SCAMP1: variants seen among roughly 807,000 people sequenced by gnomAD.
SCAMP1 encodes the protein secretory carrier membrane protein 1, also known as secretory carrier-associated membrane protein 1.
SCAMP1 carries 15 observed loss-of-function variants against 41.8 expected under a neutral mutation model. The observed-to-expected ratio is 0.36, with a 90% CI of 0.24 to 0.55. SCAMP1 has a LOEUF of 0.55. Ranked by LOEUF, SCAMP1 falls within the 20% of genes least tolerant of loss-of-function variation. The pLI, the probability that SCAMP1 is intolerant of heterozygous loss-of-function variation, is 0.86. For missense variants in SCAMP1, 341 were observed against 412.6 expected, an observed-to-expected ratio of 0.83 and a Z score of 1.50; for synonymous variants, 135 against 136.8, an observed-to-expected ratio of 0.99 and a Z score of 0.09.
chr5:78,368,705 C>T (rs564478001), intron 1 of SCAMP1, among the ~76,000 whole-genome samples: 1 of 152,210 alleles, frequency 6.6e-6, no homozygotes, highest in African/African-American at 2.4e-5. Flanking sequence ...GGACTGGAAT[C>T]AAGTTCTAGG....
chr5:78,402,144 T>C (rs1054110756), intron 2 of SCAMP1, among the ~76,000 whole-genome samples: 8 of 152,116 alleles, frequency 5.3e-5, no homozygotes, highest in African/African-American at 1.7e-4. Context: ...AGTTTTCTTC[T>C]TGTTATTGAT....
chr5:78,428,828 CTGT>C (rs1269341672), intron 6 of SCAMP1, among the ~76,000 whole-genome samples: 1 of 151,980 alleles, frequency 6.6e-6, no homozygotes, highest in Non-Finnish European at 1.5e-5. Context: ...TCTTATACTT[CTGT>C]TGTTAAATTT....
At chr5:78,458,569 A>C (rs1334734207) in intron 7 of SCAMP1, among the ~76,000 whole-genome samples, 1 of 152,210 alleles carries the variant, frequency 6.6e-6, no homozygotes, top group African/African-American at 2.4e-5. Context: ...AATTCAGCAG[A>C]ATTGAAAATA....
intron 8 of SCAMP1, among the ~76,000 whole-genome samples, chr5:78,462,405 C>T (rs979039928): frequency 3.3e-5 from 5 of 152,168 alleles, no homozygotes; most frequent in Admixed American, 1.3e-4. Flanking sequence ...TCTTGGCTCA[C>T]GGCAGCCTCT....
intron 2 of SCAMP1, among the ~76,000 whole-genome samples, chr5:78,409,823 A>G (rs1007824514): frequency 1.3e-5 from 2 of 152,208 alleles, no homozygotes; most frequent in African/African-American, 2.4e-5. Flanking sequence ...TTAAAGTAAT[A>G]CAGCATTTAT....
At position 78,480,657 on chromosome 5, in the gene SCAMP1, A is replaced by G. The variant is rs1013635857; in HGVS notation, c.*4989A>G. ...CCTCACACTTTTTTTCTAGTATAAA[A>G]GCAATACATAATGTGTTGTAGAACA... is the stretch of plus-strand genomic sequence containing the variant. On this transcript the variant is annotated 3_prime_UTR_variant, in exon 9 of 9. Coordinates refer to ENST00000621999, the MANE Select transcript of SCAMP1 (RefSeq NM_004866.6). 2.0e-4 allele frequency among the ~76,000 whole-genome samples: 31 copies of G among 152,334 alleles called. No homozygotes were observed. Among genetic ancestry groups the G allele is most frequent in the African/African-American group, 7.5e-4 (31 of 41,588 alleles).
At chr5:78,475,473 T>TA (rs916889340) in intron 8 of SCAMP1, 31 bp from the exon 9 acceptor site, 7 of 1,521,396 alleles carry the variant, frequency 4.6e-6, no homozygotes, top group Non-Finnish European at 6.2e-6. Flanking sequence ...GGTTGCTACT[T>TA]ACCTTCTCCC....
intron 6 of SCAMP1, among the ~76,000 whole-genome samples, chr5:78,422,613 A>G (rs920149596): frequency 3.3e-5 from 5 of 152,140 alleles, no homozygotes; most frequent in African/African-American, 1.2e-4. Flanking sequence ...GAACAGCTGG[A>G]TAATAAGGTT....
intron 2 of SCAMP1, among the ~76,000 whole-genome samples, chr5:78,394,616 A>G (rs982606934): frequency 2.6e-5 from 4 of 152,208 alleles, no homozygotes; most frequent in Non-Finnish European, 4.4e-5. Context: ...TAGTTTACTC[A>G]TCTTTAATAC....
At chr5:78,401,324 G>A (rs539782695) in intron 2 of SCAMP1, among the ~76,000 whole-genome samples, 2 of 152,178 alleles carry the variant, frequency 1.3e-5, no homozygotes, top group South Asian at 4.1e-4. Context: ...GGTTTGATAT[G>A]AGGGTATTTC....
chr5:78,447,234 AT>A (rs1378989109), intron 6 of SCAMP1, among the ~76,000 whole-genome samples: 1 of 152,254 alleles, frequency 6.6e-6, no homozygotes, highest in Non-Finnish European at 1.5e-5. Flanking sequence ...CACTGCTTTA[AT>A]GTATTCATGT....
chr5:78,371,078 G>A (rs998810001), intron 1 of SCAMP1, among the ~76,000 whole-genome samples: 3 of 152,038 alleles, frequency 2.0e-5, no homozygotes, highest in Non-Finnish European at 2.9e-5. Context: ...ACCTTTATCA[G>A]GTATGTGATT....
At chr5:78,387,354 T>G (rs1751367947) in intron 1 of SCAMP1, among the ~76,000 whole-genome samples, 1 of 132,998 alleles carries the variant, frequency 7.5e-6, no homozygotes, top group Non-Finnish European at 1.6e-5. Context: ...TCCATTCATA[T>G]CCTGTATCTT....
chr5:78,398,390 G>A lies in SCAMP1; in HGVS notation c.135+9476G>A, dbSNP rs558377730. ...TTTTTTTTTTTTTTTTTTGAGACAG[G>A]GTCTCACTTTGTTGCCCAGGCTTCA... On this transcript the variant is annotated intron_variant, in intron 2 of 8. Coordinates refer to ENST00000621999, the MANE Select transcript of SCAMP1 (RefSeq NM_004866.6). Among the ~76,000 whole-genome samples the A allele has an allele frequency of 4.2e-4, 43 of 102,596 alleles. No individual in the cohort carries two copies. In the East Asian group the frequency reaches 8.6e-3, roughly 21 times the overall value. 67.3% of individuals were successfully genotyped at this position (102,596 alleles called of 152,430 possible).
intron 1 of SCAMP1, among the ~76,000 whole-genome samples, chr5:78,372,084 CTG>C (rs1228690454): frequency 6.6e-6 from 1 of 152,184 alleles, no homozygotes; most frequent in East Asian, 1.9e-4. Context: ...TAGAAGCATT[CTG>C]TACGTAACAA....
chr5:78,458,250 T>TGA, intron 7 of SCAMP1, among the ~76,000 whole-genome samples: 1 of 152,322 alleles, frequency 6.6e-6, no homozygotes, highest in South Asian at 2.1e-4. Context: ...AACTGTTCTC[T>TGA]AGAATGCTTG....
rs191658439 is a variant in SCAMP1 at position 78,448,767 on chromosome 5, G to A, written c.633-1166G>A. 8.6e-3 allele frequency among the ~76,000 whole-genome samples: 1,307 copies of A among 152,238 alleles called. 8 individuals carry two copies. The highest frequency in any genetic ancestry group is 0.013 in the Non-Finnish European group (910 of 67,996). On this transcript the variant is annotated intron_variant, in intron 6 of 8. Transcript: ENST00000621999. ...TGTAATCCCAGCACTTTGGGAGGCC[G>A]AGGCGGGCAGATCACCTGAGGTTGG...
chr5:78,460,566 A>C lies in SCAMP1; in HGVS notation c.852+1204A>C, dbSNP rs113641681. ...GTCTTCATTCAAGAAGTGTCTGTTGATATCCTTTGCCTACTTTTTAATGGG... is the reference window on the plus strand; with the variant it reads ...GTCTTCATTCAAGAAGTGTCTGTTGCTATCCTTTGCCTACTTTTTAATGGG... On this transcript the variant is annotated intron_variant, in intron 8 of 8. Transcript: ENST00000621999. Among the ~76,000 whole-genome samples, 288 of 144,316 alleles carry C rather than the reference A, an allele frequency of 2.0e-3. 1 individual carries two copies. Among genetic ancestry groups the C allele is most frequent in the African/African-American group, 6.7e-3 (256 of 38,028 alleles). 94.7% of individuals were successfully genotyped at this position (144,316 alleles called of 152,430 possible).
chr5:78,467,992 C>T (rs200650927), intron 8 of SCAMP1, among the ~76,000 whole-genome samples: 1 of 152,098 alleles, frequency 6.6e-6, no homozygotes, highest in East Asian at 1.9e-4. Flanking sequence ...AATCTGTGCA[C>T]GGTTTTGACT....
Sources: gnomAD v4.1 joint callset for allele counts (sites outside exome capture counted in the v4.1 genomes callset) on GRCh38, gnomAD v4.1.1 for gene constraint, MANE v1.5 for transcripts, NCBI Gene and HGNC (gene_info 2026-07-23, HGNC 2026-07-21) for gene names.